The following TMEM132D variants were observed in gnomAD, a reference collection of about 807,000 sequenced individuals.
The protein encoded by TMEM132D is mature OL transmembrane protein.
Under a neutral mutation model 62.3 loss-of-function variants are expected in TMEM132D, and 21 were observed. The ratio of observed to expected loss-of-function variants is 0.34; its 90% CI spans 0.24 to 0.49. TMEM132D has a LOEUF of 0.49. TMEM132D is among the 20% of genes least tolerant of loss of function. TMEM132D has a pLI of 0.99. For synonymous variants in TMEM132D, 621 were observed against 575.6 expected (o/e 1.08, Z -1.13); for missense variants, 1,346 against 1,402.8 (o/e 0.96, Z 0.65).
intron 3 of TMEM132D, among the ~76,000 whole-genome samples, chr12:129,514,367 A>C (rs74371056): frequency 0.11 from 16,802 of 152,184 alleles, 1,223 homozygotes; most frequent in East Asian, 0.17. Flanking sequence ...GAGACTCTTA[A>C]CTGATATAGA....
At chr12:129,763,752 A>C (rs5801883) in intron 1 of TMEM132D, among the ~76,000 whole-genome samples, 1 of 1,006 alleles carries the variant, frequency 9.9e-4, no homozygotes, top group Non-Finnish European at 0.25. Flanking sequence ...ATGGACCCCC[A>C]AGGCTGCAGG....
chr12:129,518,855 C>G (rs780732370), intron 3 of TMEM132D, among the ~76,000 whole-genome samples: 8 of 152,196 alleles, frequency 5.3e-5, no homozygotes, highest in Non-Finnish European at 1.2e-4. Context: ...AGGTATAATA[C>G]TCCTGATTAT....
At chr12:129,082,087 G>T (rs1049085444) in intron 6 of TMEM132D, 55 bp from the exon 7 acceptor site, 2 of 1,540,916 alleles carry the variant, frequency 1.3e-6, no homozygotes, top group Non-Finnish European at 1.7e-6. Context: ...CTCTGTAAGG[G>T]GCCGTGTGTG....
intron 4 of TMEM132D, among the ~76,000 whole-genome samples, chr12:129,303,600 C>T (rs1881772287): frequency 1.3e-5 from 2 of 150,562 alleles, no homozygotes; most frequent in Admixed American, 1.3e-4. Context: ...AGAGCCTCCA[C>T]CATCATCACT....
chr12:129,620,072 C>T (rs148403944), intron 2 of TMEM132D, among the ~76,000 whole-genome samples: 175 of 152,280 alleles, frequency 1.1e-3, no homozygotes, highest in African/African-American at 3.9e-3. Flanking sequence ...AAGTGATCCA[C>T]GGGTTGCTGT....
intron 1 of TMEM132D, among the ~76,000 whole-genome samples, chr12:129,703,783 A>G (rs1171236932): frequency 6.6e-6 from 1 of 152,168 alleles, no homozygotes; most frequent in Non-Finnish European, 1.5e-5. Context: ...TTTTGTATTA[A>G]TTTTAACATT....
chr12:129,212,262 T>C (rs1188914619), intron 4 of TMEM132D: 2 of 152,178 alleles, frequency 1.3e-5, no homozygotes, highest in Non-Finnish European at 2.9e-5. Flanking sequence ...GTCTGGGGTG[T>C]TGCCTTTTTC....
intron 4 of TMEM132D, among the ~76,000 whole-genome samples, chr12:129,288,531 T>A (rs548149668): frequency 1.3e-5 from 2 of 152,218 alleles, no homozygotes; most frequent in East Asian, 3.9e-4. Flanking sequence ...ATCAGAGAAA[T>A]GCAAATCAAA....
chr12:129,878,501 A>G (rs545437631), intron 1 of TMEM132D, among the ~76,000 whole-genome samples: 1 of 151,946 alleles, frequency 6.6e-6, no homozygotes, highest in South Asian at 2.1e-4. Context: ...GCAGGAGACT[A>G]GAGGATGGAA....
At chr12:129,554,927 T>G (rs1238906488) in intron 2 of TMEM132D, among the ~76,000 whole-genome samples, 1 of 152,178 alleles carries the variant, frequency 6.6e-6, no homozygotes, top group Non-Finnish European at 1.5e-5. Flanking sequence ...CTCCCTGTTT[T>G]TCATGGAGTT....
At chr12:129,479,121 G>T (rs1352521131) in intron 3 of TMEM132D, among the ~76,000 whole-genome samples, 2 of 152,184 alleles carry the variant, frequency 1.3e-5, no homozygotes, top group African/African-American at 4.8e-5. Flanking sequence ...GAGGACAAGA[G>T]TGTTCTCTAA....
intron 2 of TMEM132D, among the ~76,000 whole-genome samples, chr12:129,561,892 G>A (rs765839482): frequency 9.2e-5 from 14 of 152,176 alleles, no homozygotes; most frequent in South Asian, 4.1e-4. Context: ...TTGCTGCTGT[G>A]AGTTAGAGTC....
intron 2 of TMEM132D, among the ~76,000 whole-genome samples, chr12:129,653,305 C>A (rs1466731594): frequency 6.6e-6 from 1 of 152,166 alleles, no homozygotes; most frequent in East Asian, 1.9e-4. Flanking sequence ...ATCACACAGC[C>A]AGGGCTTCCG....
intron 4 of TMEM132D, among the ~76,000 whole-genome samples, chr12:129,222,671 C>T (rs760376500): frequency 6.6e-6 from 1 of 152,054 alleles, no homozygotes; most frequent in Non-Finnish European, 1.5e-5. Flanking sequence ...AACACTGCAT[C>T]GTCTTACTTA....
chr12:129,364,952 G>C (rs1307957786), intron 3 of TMEM132D, among the ~76,000 whole-genome samples: 4 of 152,192 alleles, frequency 2.6e-5, no homozygotes, highest in African/African-American at 9.7e-5. Context: ...GTTAGATTTA[G>C]CAATGATCAT....
chr12:129,106,880 T>C (rs1875518692), intron 5 of TMEM132D, among the ~76,000 whole-genome samples: 1 of 152,216 alleles, frequency 6.6e-6, no homozygotes, highest in Non-Finnish European at 1.5e-5. Flanking sequence ...GAGCCGTCAC[T>C]GCATGGGGAA....
intron 2 of TMEM132D, among the ~76,000 whole-genome samples, chr12:129,596,147 G>A (rs2137138892): frequency 6.6e-6 from 1 of 152,272 alleles, no homozygotes; most frequent in African/African-American, 2.4e-5. Context: ...GGTTTTGTGG[G>A]CCATAGTGGA....
chr12:129,828,675 A>G (rs1316396493), intron 1 of TMEM132D, among the ~76,000 whole-genome samples: 3 of 23,060 alleles, frequency 1.3e-4, no homozygotes, highest in Non-Finnish European at 2.8e-4. Flanking sequence ...AGGAAAGGAA[A>G]GAAGGGAGGA....
intron 2 of TMEM132D, among the ~76,000 whole-genome samples, chr12:129,578,179 C>T (rs1877731704): frequency 6.6e-6 from 1 of 152,124 alleles, no homozygotes; most frequent in Non-Finnish European, 1.5e-5. Context: ...GTCCTCGAGC[C>T]TTCGGTCTCA....
Sources: gnomAD v4.1 joint callset for allele counts (sites outside exome capture counted in the v4.1 genomes callset) on GRCh38, gnomAD v4.1.1 for gene constraint, MANE v1.5 for transcripts, NCBI Gene and HGNC (gene_info 2026-07-23, HGNC 2026-07-21) for gene names.